The following CNTN5 variants were observed in gnomAD, a reference collection of about 807,000 sequenced individuals.
CNTN5 encodes contactin-5.
In CNTN5, 77 loss-of-function variants were observed where a neutral mutation model predicts 129.1. The observed-to-expected ratio is 0.60, with a 90% CI of 0.50 to 0.72. CNTN5 has a LOEUF of 0.72. Ranked by LOEUF, CNTN5 falls within the 30% of genes least tolerant of loss-of-function variation. The pLI, the probability that CNTN5 is intolerant of heterozygous loss-of-function variation, is 0.00. For missense variants in CNTN5, 1,478 were observed against 1,328.8 expected (o/e 1.11, Z -1.75); for synonymous variants, 509 against 465.6 (o/e 1.09, Z -1.20).
chr11:100,266,357 T>A (rs1950302973), intron 17 of CNTN5, among the ~76,000 whole-genome samples: 1 of 151,928 alleles, frequency 6.6e-6, no homozygotes, highest in East Asian at 1.9e-4. Flanking sequence ...CAATGTTTTC[T>A]TTGAAACCAA....
At chr11:99,698,214 C>A (rs966753137) in intron 3 of CNTN5, among the ~76,000 whole-genome samples, 13 of 151,122 alleles carry the variant, frequency 8.6e-5, no homozygotes, top group African/African-American at 3.1e-4. Flanking sequence ...ATACATTATT[C>A]AAGTATTACA....
intron 3 of CNTN5, among the ~76,000 whole-genome samples, chr11:99,706,141 A>G (rs1177337289): frequency 6.6e-6 from 1 of 151,492 alleles, no homozygotes; most frequent in South Asian, 2.1e-4. Flanking sequence ...GCTGCTATCA[A>G]TAAAAGAGGG....
chr11:99,695,275 T>C (rs541035140), intron 3 of CNTN5, among the ~76,000 whole-genome samples: 3 of 152,082 alleles, frequency 2.0e-5, no homozygotes, highest in South Asian at 4.1e-4. Context: ...AAGAAAGATA[T>C]ATTCATTTCT....
chr11:99,252,480 A>C (rs1173287414), intron 1 of CNTN5, among the ~76,000 whole-genome samples: 2 of 151,740 alleles, frequency 1.3e-5, no homozygotes, highest in African/African-American at 4.8e-5. Context: ...TTCCAAACCC[A>C]AATGGCTTAG....
intron 13 of CNTN5, among the ~76,000 whole-genome samples, chr11:100,092,716 A>G (rs1944837530): frequency 6.6e-6 from 1 of 152,100 alleles, no homozygotes; most frequent in South Asian, 2.1e-4. Context: ...CTCTTCCCCC[A>G]TACTGAGATC....
chr11:100,153,990 A>T (rs28710069), intron 13 of CNTN5, among the ~76,000 whole-genome samples: 55 of 152,158 alleles, frequency 3.6e-4, no homozygotes, highest in Non-Finnish European at 6.5e-4. Context: ...TTATATTTTA[A>T]ATATAGCAAT....
chr11:99,686,630 G>A (rs961106903), intron 3 of CNTN5, among the ~76,000 whole-genome samples: 2 of 151,962 alleles, frequency 1.3e-5, no homozygotes, highest in African/African-American at 4.8e-5. Flanking sequence ...ATGCATATAA[G>A]CTTAGAGAGA....
chr11:99,928,765 G>C (rs1384031922), intron 7 of CNTN5, among the ~76,000 whole-genome samples: 1 of 152,158 alleles, frequency 6.6e-6, no homozygotes, highest in Admixed American at 6.5e-5. Flanking sequence ...TTTCCTGATT[G>C]TCTTGGTGAT....
At chr11:99,075,691 A>C (rs766626013) in intron 1 of CNTN5, among the ~76,000 whole-genome samples, 7 of 152,148 alleles carry the variant, frequency 4.6e-5, no homozygotes, top group African/African-American at 7.2e-5. Context: ...GACAACTCTT[A>C]AGGGAATTGT....
chr11:100,132,981 T>C (rs1476068438), intron 13 of CNTN5, among the ~76,000 whole-genome samples: 1 of 151,792 alleles, frequency 6.6e-6, no homozygotes, highest in Non-Finnish European at 1.5e-5. Context: ...ATAGACTTTA[T>C]GTATTATAAA....
intron 1 of CNTN5, among the ~76,000 whole-genome samples, chr11:99,064,371 T>C (rs1865014965): frequency 6.6e-6 from 1 of 152,244 alleles, no homozygotes; most frequent in Admixed American, 6.5e-5. Flanking sequence ...AATATTAGAA[T>C]CCTTAATGAG....
intron 3 of CNTN5, among the ~76,000 whole-genome samples, chr11:99,709,101 C>G (rs1202147589): frequency 6.6e-6 from 1 of 151,828 alleles, no homozygotes; most frequent in East Asian, 1.9e-4. Flanking sequence ...TCTTATGTAG[C>G]TAAGCTCATT....
chr11:99,772,162 A>ATTT (rs541345666), intron 3 of CNTN5, among the ~76,000 whole-genome samples: 1 of 144,498 alleles, frequency 6.9e-6, no homozygotes, highest in African/African-American at 2.5e-5. Context: ...CAATTACTTC[A>ATTT]TTTTTTTTTT....
chr11:99,854,804 G>C (rs11221634), intron 6 of CNTN5, among the ~76,000 whole-genome samples: 4 of 152,014 alleles, frequency 2.6e-5, no homozygotes, highest in Non-Finnish European at 5.9e-5. Flanking sequence ...CCATGGAAAT[G>C]TTTCACCAAC....
intron 9 of CNTN5, among the ~76,000 whole-genome samples, chr11:100,048,491 A>T (rs1401031434): frequency 1.3e-5 from 2 of 152,116 alleles, no homozygotes; most frequent in African/African-American, 4.8e-5. Context: ...ACTCTAATAC[A>T]GTCATTTAAA....
At chr11:100,171,933 T>A (rs1464574289) in intron 13 of CNTN5, among the ~76,000 whole-genome samples, 1 of 152,088 alleles carries the variant, frequency 6.6e-6, no homozygotes, top group African/African-American at 2.4e-5. Flanking sequence ...TTTCAAAGTA[T>A]GGTTCAAAGG....
chr11:99,740,813 T>A (rs543230897), intron 3 of CNTN5, among the ~76,000 whole-genome samples: 1 of 152,246 alleles, frequency 6.6e-6, no homozygotes, highest in Admixed American at 6.5e-5. Flanking sequence ...TTATAGATAA[T>A]CTCCCTTGAC....
chr11:99,448,566 T>C (rs1230220209), intron 2 of CNTN5, among the ~76,000 whole-genome samples: 1 of 151,852 alleles, frequency 6.6e-6, no homozygotes, highest in East Asian at 1.9e-4. Flanking sequence ...CTGCAATTTT[T>C]TGTGACTATC....
intron 2 of CNTN5, among the ~76,000 whole-genome samples, chr11:99,463,264 C>A (rs1292320695): frequency 6.6e-6 from 1 of 150,456 alleles, no homozygotes; most frequent in African/African-American, 2.4e-5. Context: ...CGGTGAAACC[C>A]CATCTCTACT....
Sources: gnomAD v4.1 joint callset for allele counts (sites outside exome capture counted in the v4.1 genomes callset) on GRCh38, gnomAD v4.1.1 for gene constraint, MANE v1.5 for transcripts, NCBI Gene and HGNC (gene_info 2026-07-23, HGNC 2026-07-21) for gene names.